The following SLC2A14 variants were observed in gnomAD, a reference collection of about 807,000 sequenced individuals.
SLC2A14 encodes solute carrier family 2, facilitated glucose transporter member 14.
In SLC2A14, 13 loss-of-function variants were observed where a neutral mutation model predicts 43.0. The observed-to-expected ratio is 0.30, with a 90% CI of 0.20 to 0.48. SLC2A14 has a LOEUF of 0.48. Among genes scored for constraint, SLC2A14 ranks in the 20% least tolerant of loss-of-function variants. SLC2A14 has a pLI of 0.99. For missense variants in SLC2A14, 428 were observed against 620.4 expected, an observed-to-expected ratio of 0.69 and a Z score of 3.29; for synonymous variants, 190 against 233.8, an observed-to-expected ratio of 0.81 and a Z score of 1.71.
chr12:7,846,798 AT>A (rs1330836364), intron 2 of SLC2A14, among the ~76,000 whole-genome samples: 2 of 150,900 alleles, frequency 1.3e-5, no homozygotes, highest in African/African-American at 4.9e-5. Flanking sequence ...CACCCGCCTA[AT>A]TTTTTTGTAT....
intron 2 of SLC2A14, among the ~76,000 whole-genome samples, chr12:7,835,926 C>T (rs1456555787): frequency 2.0e-5 from 3 of 152,170 alleles, no homozygotes; most frequent in African/African-American, 7.2e-5. Context: ...AGAAAGAAAA[C>T]ATTTGAGAAA....
intron 2 of SLC2A14, among the ~76,000 whole-genome samples, chr12:7,844,632 G>A (rs1047627243): frequency 1.3e-5 from 2 of 151,462 alleles, no homozygotes; most frequent in Non-Finnish European, 2.9e-5. Context: ...CACCTCCCAG[G>A]TTCAAGCAGT....
intron 1 of SLC2A14, among the ~76,000 whole-genome samples, chr12:7,886,787 T>C (rs1295669695): frequency 2.0e-5 from 3 of 152,112 alleles, no homozygotes; most frequent in South Asian, 2.1e-4. Context: ...TCAAGAGTTA[T>C]TCTGTATATC....
At chr12:7,871,209 T>A in intron 1 of SLC2A14, 2 of 1,253,450 alleles carry the variant, frequency 1.6e-6, no homozygotes, top group South Asian at 3.5e-5. Context: ...CAGGTTTCAT[T>A]CATGAGGACC....
chr12:7,881,274 T>A (rs1945565575), intron 1 of SLC2A14, among the ~76,000 whole-genome samples: 1 of 151,722 alleles, frequency 6.6e-6, no homozygotes, highest in Admixed American at 6.6e-5. Flanking sequence ...GCGGGAGGTG[T>A]GGAGGGAGAG....
At chr12:7,815,600 G>T (rs976035507) in intron 10 of SLC2A14, among the ~76,000 whole-genome samples, 9 of 152,054 alleles carry the variant, frequency 5.9e-5, no homozygotes, top group Non-Finnish European at 1.2e-4. Context: ...TTTTGAGACG[G>T]AGTTTCGCTC....
chr12:7,843,047 G>A (rs146408584), intron 2 of SLC2A14, among the ~76,000 whole-genome samples: 2,667 of 152,014 alleles, frequency 0.018, 39 homozygotes, highest in Middle Eastern at 0.034. Flanking sequence ...TTTTAATATA[G>A]GCATGCAATG....
chr12:7,882,561 A>C (rs11056294), intron 1 of SLC2A14, among the ~76,000 whole-genome samples: 1 of 151,988 alleles, frequency 6.6e-6, no homozygotes, highest in African/African-American at 2.4e-5. Context: ...TAGCGTCGGC[A>C]GTGGCTCACA....
chr12:7,882,861 C>T (rs1945611776), intron 1 of SLC2A14, among the ~76,000 whole-genome samples: 1 of 147,998 alleles, frequency 6.8e-6, no homozygotes, highest in Non-Finnish European at 1.5e-5. Flanking sequence ...ACTTGTTCAC[C>T]ACTTGGAAGT....
chr12:7,871,263 TGAA>T (rs1480724480), intron 1 of SLC2A14: 21 of 1,197,006 alleles, frequency 1.8e-5, no homozygotes, highest in East Asian at 1.5e-4. Flanking sequence ...GCTTCACAGA[TGAA>T]GAAGTGGATG....
intron 2 of SLC2A14, chr12:7,856,072 G>A (rs1867347482): frequency 6.6e-6 from 1 of 152,014 alleles, no homozygotes; most frequent in Non-Finnish European, 1.5e-5. Context: ...GTAAAATTCT[G>A]ACTAAGTTGA....
At chr12:7,849,942 C>A (rs1487119634) in intron 2 of SLC2A14, among the ~76,000 whole-genome samples, 1 of 148,178 alleles carries the variant, frequency 6.7e-6, no homozygotes, top group Non-Finnish European at 1.5e-5. Context: ...ACAAAATGCA[C>A]AACACTCTGC....
chr12:7,845,622 ACAAAAAATTAG>A (rs1866402211), intron 2 of SLC2A14, among the ~76,000 whole-genome samples: 1 of 151,308 alleles, frequency 6.6e-6, no homozygotes, highest in Non-Finnish European at 1.5e-5. Flanking sequence ...TACTACAAAT[ACAAAAAATTAG>A]CCGGGCGTGG....
At chr12:7,828,213 C>T (rs772215987) in intron 6 of SLC2A14, among the ~76,000 whole-genome samples, 1 of 152,024 alleles carries the variant, frequency 6.6e-6, no homozygotes, top group African/African-American at 2.4e-5. Context: ...AACACAAAAA[C>T]ATTAGCTGGC....
intron 2 of SLC2A14, among the ~76,000 whole-genome samples, chr12:7,844,689 A>G (rs899942597): frequency 6.6e-6 from 1 of 151,760 alleles, no homozygotes; most frequent in African/African-American, 2.4e-5. Context: ...GGCAAATGCC[A>G]CCACATCCAG....
At chr12:7,827,240 A>G (rs919662863) in intron 7 of SLC2A14, among the ~76,000 whole-genome samples, 2 of 146,922 alleles carry the variant, frequency 1.4e-5, no homozygotes, top group Non-Finnish European at 1.5e-5. Context: ...CCTCCTGAGT[A>G]GCGCACCACC....
intron 1 of SLC2A14, among the ~76,000 whole-genome samples, chr12:7,882,890 T>TG (rs775996669): frequency 6.7e-6 from 1 of 148,788 alleles, no homozygotes; most frequent in African/African-American, 2.5e-5. Context: ...AATTCAAGTT[T>TG]AAAAAAAAAA....
intron 2 of SLC2A14, among the ~76,000 whole-genome samples, chr12:7,868,382 C>T (rs1945039427): frequency 6.6e-6 from 1 of 152,156 alleles, no homozygotes; most frequent in African/African-American, 2.4e-5. Context: ...GTATTTCTGA[C>T]TCACTTTATT....
At chr12:7,854,236 A>C (rs1340696726) in intron 2 of SLC2A14, among the ~76,000 whole-genome samples, 2 of 152,098 alleles carry the variant, frequency 1.3e-5, no homozygotes, top group African/African-American at 4.8e-5. Context: ...TTTACATCTC[A>C]GTAAATATTT....
Sources: allele counts gnomAD v4.1 joint callset (sites outside exome capture counted in the v4.1 genomes callset), GRCh38; gene constraint gnomAD v4.1.1; transcripts MANE v1.5; gene names NCBI Gene and HGNC (gene_info 2026-07-23, HGNC 2026-07-21).